Variants in GUCY1A2 observed in about 807,000 individuals in gnomAD.
GUCY1A2 encodes the protein guanylate cyclase soluble subunit alpha-2.
A neutral mutation model predicts 63.5 loss-of-function variants in GUCY1A2; 27 were observed. That is an observed-to-expected ratio of 0.43 (90% CI 0.31 to 0.59). The LOEUF (loss-of-function observed/expected upper bound fraction) is 0.59. Ranked by LOEUF, GUCY1A2 falls within the 20% of genes least tolerant of loss-of-function variation. GUCY1A2 has a pLI of 0.11. For missense variants in GUCY1A2, 768 were observed against 913.3 expected, an observed-to-expected ratio of 0.84 and a Z score of 2.05; for synonymous variants, 364 against 343.5, an observed-to-expected ratio of 1.06 and a Z score of -0.66.
rs1265533945 is a variant in GUCY1A2, at chr11:106,974,229, G to A, written c.487+4390C>T. Among the ~76,000 whole-genome samples, 6 of 152,074 alleles carry A rather than the reference G, an allele frequency of 3.9e-5. No homozygotes were observed. In the East Asian group the frequency reaches 1.2e-3, roughly 29 times the overall value. On this transcript the variant is annotated intron_variant, in intron 3 of 7. Transcript: ENST00000526355. ...AAGTTATAGTAACAAGAACTATAATGGCAGAAGTTATTTATTGCTATTAAT... is the reference window on the plus strand; with the variant it reads ...AAGTTATAGTAACAAGAACTATAATAGCAGAAGTTATTTATTGCTATTAAT...
intron 6 of GUCY1A2, among the ~76,000 whole-genome samples, chr11:106,737,813 GT>G (rs1344007673): frequency 3.9e-5 from 6 of 152,114 alleles, no homozygotes; most frequent in African/African-American, 1.4e-4. Flanking sequence ...GGGCATTTGG[GT>G]TGGTTCCAAG....
Position 106,680,245 on chromosome 11 carries a change from C to T in GUCY1A2, c.*7304G>A, listed in dbSNP as rs1433081350. The T allele has an allele frequency of 1.9e-4, 40 of 210,340 alleles. No individual in the cohort carries two copies. The Admixed American group carries it at 2.4e-3, about 12-fold the overall frequency. The allele number at this position is 210,340 out of a possible 1,614,324, so 13.0% of individuals were successfully genotyped here. ...AGTGAGGTATGAAGAAACAATTTTG[C>T]ACATTCCTGATTTTATTTCAGTTAT... On this transcript the variant is annotated 3_prime_UTR_variant, in exon 8 of 8. Transcript: ENST00000526355.
chr11:106,746,417 G>C (rs1032015454), intron 6 of GUCY1A2: 1 of 521,896 alleles, frequency 1.9e-6, no homozygotes, highest in Non-Finnish European at 3.4e-6. Context: ...CAAACTACCA[G>C]TACTACTACA....
At chr11:106,944,228 A>AAAAAAAAAAAAAAAAAC in intron 3 of GUCY1A2, among the ~76,000 whole-genome samples, 1 of 141,788 alleles carries the variant, frequency 7.1e-6, no homozygotes, top group Non-Finnish European at 1.5e-5. Context: ...AAAAAAAAAA[A>AAAAAAAAAAAAAAAAAC]AAAAAAAAGC....
intron 3 of GUCY1A2, among the ~76,000 whole-genome samples, chr11:106,951,067 G>C (rs1365095444): frequency 6.6e-6 from 1 of 152,146 alleles, no homozygotes; most frequent in Non-Finnish European, 1.5e-5. Context: ...CAAAGGACAT[G>C]ATCTCACTCA....
At chr11:106,850,525 T>TACTCTTCC (rs1290444537) in intron 4 of GUCY1A2, among the ~76,000 whole-genome samples, 1 of 151,758 alleles carries the variant, frequency 6.6e-6, no homozygotes, top group Non-Finnish European at 1.5e-5. Flanking sequence ...CTTCCCAACC[T>TACTCTTCC]CACCCACAAT....
chr11:106,961,916 T>C (rs375965093), intron 3 of GUCY1A2, among the ~76,000 whole-genome samples: 7 of 152,198 alleles, frequency 4.6e-5, no homozygotes, highest in African/African-American at 1.7e-4. Flanking sequence ...CAATCTTCAT[T>C]TTAAACAACT....
chr11:106,827,858 C>A (rs781400171), intron 4 of GUCY1A2: 120 of 1,599,260 alleles, frequency 7.5e-5, no homozygotes, highest in Non-Finnish European at 1.0e-4. Flanking sequence ...CCATGAACTT[C>A]CCTGCAGTCA....
chr11:106,784,741 T>A (rs1864527423), intron 5 of GUCY1A2, among the ~76,000 whole-genome samples: 1 of 152,182 alleles, frequency 6.6e-6, no homozygotes, highest in Non-Finnish European at 1.5e-5. Context: ...CATTATAGGA[T>A]CTTATTTTAT....
rs202213721 is a variant in GUCY1A2, at chr11:106,974,821, CCTGA to C, written c.487+3794_487+3797del. On this transcript the variant is annotated intron_variant, in intron 3 of 7. Transcript: ENST00000526355. The stretch of plus-strand genomic sequence containing the variant: ...AATATCTTTTCAGAACTATGCACTT[CCTGA>C]CTATTTTGAGAGGAAATGCACTTAG... 1.7e-3 allele frequency among the ~76,000 whole-genome samples: 256 copies of C among 152,250 alleles called. 5 individuals are homozygous for C. In the East Asian group the frequency reaches 0.041, roughly 24 times the overall value.
rs1244417076 is a variant in GUCY1A2, at chr11:106,681,434, T to C, written c.*6115A>G. On this transcript the variant is annotated 3_prime_UTR_variant, in exon 8 of 8. Transcript: ENST00000526355. Reference sequence around the variant, plus strand: ...CCATCCTTAACTTCTTCCTTACTATTATATACTACAAAGATCCAAAAATTG... The same window carrying C: ...CCATCCTTAACTTCTTCCTTACTATCATATACTACAAAGATCCAAAAATTG... 4.5e-6 allele frequency: 1 copy of C among 223,682 alleles called. No individual in the cohort carries two copies. Among genetic ancestry groups the C allele is most frequent in the Admixed American group, 5.7e-5 (1 of 17,448 alleles). 13.9% of individuals were successfully genotyped at this position (223,682 alleles called of 1,614,324 possible).
chr11:106,784,636 T>C (rs1591275698), intron 5 of GUCY1A2, among the ~76,000 whole-genome samples: 1 of 152,200 alleles, frequency 6.6e-6, no homozygotes, highest in African/African-American at 2.4e-5. Context: ...TTTAATTTTA[T>C]CCTTCCCCAT....
chr11:106,914,464 C>T (rs1217825250), intron 4 of GUCY1A2, among the ~76,000 whole-genome samples: 3 of 152,024 alleles, frequency 2.0e-5, no homozygotes, highest in Admixed American at 6.6e-5. Context: ...TGTAAACAGG[C>T]TTCACTTGGC....
chr11:106,800,665 A>C (rs1421128995), intron 5 of GUCY1A2, among the ~76,000 whole-genome samples: 1 of 151,874 alleles, frequency 6.6e-6, no homozygotes, highest in African/African-American at 2.4e-5. Context: ...GCATGTTCTC[A>C]CTCATATGTG....
At chr11:106,746,325 C>A (rs1256304695) in intron 6 of GUCY1A2, among the ~76,000 whole-genome samples, 2 of 152,128 alleles carry the variant, frequency 1.3e-5, no homozygotes, top group Non-Finnish European at 2.9e-5. Context: ...GTGAGACATA[C>A]TTTATAGGGT....
chr11:106,838,652 C>T (rs1026826937), intron 4 of GUCY1A2, among the ~76,000 whole-genome samples: 2 of 151,676 alleles, frequency 1.3e-5, no homozygotes, highest in Non-Finnish European at 2.9e-5. Flanking sequence ...TGGGTTTCTT[C>T]GTGATTTGAA....
chr11:107,001,084 C>A (rs561935208), intron 1 of GUCY1A2, among the ~76,000 whole-genome samples: 1 of 152,158 alleles, frequency 6.6e-6, no homozygotes, highest in African/African-American at 2.4e-5. Context: ...TTTTCTTCCA[C>A]AAGTTCTGGA....
chr11:106,850,836 C>T (rs906262553), intron 4 of GUCY1A2, among the ~76,000 whole-genome samples: 3 of 151,740 alleles, frequency 2.0e-5, no homozygotes, highest in African/African-American at 4.8e-5. Flanking sequence ...ATCCTGACTT[C>T]GCTGGCTTTG....
At chr11:107,009,946 AAC>A (rs1471059362) in intron 1 of GUCY1A2, among the ~76,000 whole-genome samples, 1 of 152,100 alleles carries the variant, frequency 6.6e-6, no homozygotes, top group Non-Finnish European at 1.5e-5. Flanking sequence ...CCCTCCCTGG[AAC>A]TATCCAACCA....
Sources: gnomAD v4.1 joint callset for allele counts (sites outside exome capture counted in the v4.1 genomes callset) on GRCh38, gnomAD v4.1.1 for gene constraint, MANE v1.5 for transcripts, NCBI Gene and HGNC (gene_info 2026-07-23, HGNC 2026-07-21) for gene names.